CHD1L: variants seen among roughly 807,000 people sequenced by gnomAD.
The protein encoded by CHD1L is chromodomain helicase DNA binding protein 1 like, also known as ATP-dependent chromatin remodeler CHD1L.
CHD1L carries 118 observed loss-of-function variants against 115.9 expected under a neutral mutation model. That is an observed-to-expected ratio of 1.02 (90% CI 0.88 to 1.19). CHD1L has a LOEUF of 1.19. CHD1L is among the 50% of genes most tolerant of loss of function. The pLI is 0.00. For synonymous variants in CHD1L, 411 were observed against 387.1 expected (o/e 1.06, Z -0.72); for missense variants, 1,179 against 1,065.3 (o/e 1.11, Z -1.49).
At chr1:147,189,889 T>A in the CHD1L span, among the ~76,000 whole-genome samples, 1 of 152,186 alleles carries the variant, frequency 6.6e-6, no homozygotes, top group Non-Finnish European at 1.5e-5. Context: ...AAAAATAATA[T>A]ACCTTCTGCC....
chr1:147,256,430 T>C, intron 4 of CHD1L, 101 bp from the exon 5 acceptor site: 1 of 1,028,752 alleles, frequency 9.7e-7, no homozygotes, highest in South Asian at 1.5e-5. Context: ...AAATGAGACT[T>C]AGATAAATCC....
Position 147,295,635 on chromosome 1 carries a change from T to C in CHD1L, c.*126T>C. ...CTCAGAAATTGTCTCTTTTCTGAGT[T>C]TCAGTTTGGTTCTCCTGGATGTTTT... On this transcript the variant is annotated 3_prime_UTR_variant, in exon 23 of 23. Coordinates refer to ENST00000369258, the MANE Select transcript of CHD1L (RefSeq NM_004284.6). 1.4e-6 allele frequency: 1 copy of C among 695,888 alleles called. No homozygotes were observed. The highest frequency in any genetic ancestry group is 2.3e-6 in the Non-Finnish European group (1 of 431,774). 43.1% of individuals were successfully genotyped at this position (695,888 alleles called of 1,614,324 possible). A position where few individuals can be genotyped will look rare whatever the true frequency, so the allele number is the denominator to read the frequency against.
chr1:147,236,147 G>A, the CHD1L span, among the ~76,000 whole-genome samples: 3 of 152,184 alleles, frequency 2.0e-5, no homozygotes, highest in African/African-American at 7.2e-5. Flanking sequence ...AGCTGGACCA[G>A]GGGTGCCACA....
upstream of CHD1L, among the ~76,000 whole-genome samples, chr1:147,240,433 C>T (rs1553930484): frequency 3.3e-5 from 5 of 152,220 alleles, no homozygotes; most frequent in Non-Finnish European, 7.3e-5. Flanking sequence ...AGTTATTGTC[C>T]AAGGTTTCTC....
At chr1:147,265,878 T>A in intron 7 of CHD1L, 54 bp from the exon 8 acceptor site, 2 of 1,528,868 alleles carry the variant, frequency 1.3e-6, no homozygotes, top group South Asian at 2.5e-5. Context: ...CTAGGGTTCA[T>A]TGCCTTGGTT....
chr1:147,283,093 AT>A (rs1374580959), intron 15 of CHD1L, among the ~76,000 whole-genome samples: 2 of 152,192 alleles, frequency 1.3e-5, no homozygotes, highest in African/African-American at 4.8e-5. Flanking sequence ...AAATGCCAAC[AT>A]TTTTTTAAAA....
At chr1:147,245,107 GT>G (rs1387690972) in intron 1 of CHD1L, among the ~76,000 whole-genome samples, 6 of 152,138 alleles carry the variant, frequency 3.9e-5, no homozygotes, top group Non-Finnish European at 8.8e-5. Context: ...ACTTCTTGCT[GT>G]TTTGCTTGCT....
In CHD1L at chr1:147,276,098, G is replaced by A. The variant is rs1678332056; in HGVS notation, c.1386-6G>A. On this transcript the variant is annotated splice_region_variant and splice_polypyrimidine_tract_variant and intron_variant, in intron 13 of 22. Transcript: ENST00000369258. ...AGCACACTACCCTTGTTTGACTTATGTCCAGGTCTGTTAAAGTTATTCGGC... is the reference window on the plus strand; with the variant it reads ...AGCACACTACCCTTGTTTGACTTATATCCAGGTCTGTTAAAGTTATTCGGC... 2 of 1,613,894 alleles carry A rather than the reference G, an allele frequency of 1.2e-6. No homozygotes were observed. The highest frequency in any genetic ancestry group is 1.7e-6 in the Non-Finnish European group (2 of 1,179,906).
At chr1:147,213,418 C>A in the CHD1L span, 1 of 1,613,258 alleles carries the variant, frequency 6.2e-7, no homozygotes, top group Admixed American at 1.7e-5. Flanking sequence ...GACCACTTCC[C>A]ATTGGCCTGA....
chr1:147,174,835 G>T, the CHD1L span: 1 of 152,158 alleles, frequency 6.6e-6, no homozygotes, highest in African/African-American at 2.4e-5. Context: ...GGAAAAGAAG[G>T]AGGTAATAGG....
At chr1:147,274,012 A>G (rs587745325) in intron 12 of CHD1L, among the ~76,000 whole-genome samples, 118 of 152,366 alleles carry the variant, frequency 7.7e-4, no homozygotes, top group African/African-American at 2.6e-3. Flanking sequence ...GACAACATGA[A>G]TTCAAGAAGA....
chr1:147,251,467 G>A lies in CHD1L; in HGVS notation c.128-1156G>A, dbSNP rs913386447. Among the ~76,000 whole-genome samples the A allele has an allele frequency of 2.0e-5, 3 of 152,124 alleles. No individual in the cohort carries two copies. In the South Asian group the frequency reaches 6.2e-4, roughly 31 times the overall value. On this transcript the variant is annotated intron_variant, in intron 1 of 22. Transcript: ENST00000369258. ...CTGAATTTTCTGATTATAAAATGGG[G>A]ATAATACCTACTCCATAGAATCATT...
At chr1:147,221,294 A>G in the CHD1L span, among the ~76,000 whole-genome samples, 3 of 152,206 alleles carry the variant, frequency 2.0e-5, no homozygotes, top group Non-Finnish European at 4.4e-5. Flanking sequence ...GTTAATAATA[A>G]TGTATCAATA....
chr1:147,178,112 C>T, the CHD1L span: 31 of 1,578,278 alleles, frequency 2.0e-5, no homozygotes, highest in Non-Finnish European at 2.7e-5. Flanking sequence ...CACCTCGCCG[C>T]CATGTGCCTC....
chr1:147,186,297 G>T, the CHD1L span: 2 of 980,476 alleles, frequency 2.0e-6, no homozygotes, highest in Non-Finnish European at 2.4e-6. Context: ...ATAAAGACAT[G>T]GTTCCTAAGG....
intron 1 of CHD1L, 159 bp downstream of exon 1, chr1:147,242,989 C>G (rs1019377045): frequency 1.1e-6 from 1 of 926,652 alleles, no homozygotes; most frequent in Middle Eastern, 3.8e-4. Flanking sequence ...AAACTGCGCC[C>G]GGGCTTGGTG....
chr1:147,259,953 C>T (rs782117250), intron 6 of CHD1L, 35 bp downstream of exon 6: 2 of 1,464,640 alleles, frequency 1.4e-6, no homozygotes, highest in South Asian at 1.2e-5. Flanking sequence ...TTTTATATAA[C>T]CCCTTCTTTT....
intron 6 of CHD1L, among the ~76,000 whole-genome samples, chr1:147,262,267 G>A (rs138309777): frequency 4.0e-5 from 6 of 151,856 alleles, no homozygotes; most frequent in East Asian, 1.9e-4. Context: ...CAATTTATGC[G>A]ACATTCATGC....
the CHD1L span, among the ~76,000 whole-genome samples, chr1:147,182,986 T>C: frequency 1.3e-5 from 2 of 152,006 alleles, no homozygotes; most frequent in East Asian, 3.9e-4. Context: ...GATCATGAGG[T>C]CAGGAGATCG....
Sources: gnomAD v4.1 joint callset for allele counts (sites outside exome capture counted in the v4.1 genomes callset) on GRCh38, gnomAD v4.1.1 for gene constraint, MANE v1.5 for transcripts, NCBI Gene and HGNC (gene_info 2026-07-23, HGNC 2026-07-21) for gene names.